Variants in RORA observed in about 807,000 individuals in gnomAD.
RORA encodes RAR related orphan receptor A, also known as nuclear receptor ROR-alpha.
In RORA, 7 loss-of-function variants were observed where a neutral mutation model predicts 69.5. The ratio of observed to expected loss-of-function variants is 0.10; its 90% CI spans 0.06 to 0.19. The LOEUF is 0.19. Among genes scored for constraint, RORA ranks in the 10% least tolerant of loss-of-function variants. The pLI is 1.00. For synonymous variants in RORA, 261 were observed against 240.8 expected (o/e 1.08, Z -0.78); for missense variants, 457 against 663.0 (o/e 0.69, Z 3.41).
At chr15:60,712,843 A>G (rs1357710777) in intron 1 of RORA, among the ~76,000 whole-genome samples, 1 of 152,208 alleles carries the variant, frequency 6.6e-6, no homozygotes, top group Non-Finnish European at 1.5e-5. Flanking sequence ...TGCTTGACTT[A>G]GAACAGATTT....
rs183312665 is a variant in RORA, at chr15:61,171,168, G to A, written c.166+57885C>T. On this transcript the variant is annotated intron_variant, in intron 1 of 10. Transcript: ENST00000335670. The stretch of plus-strand genomic sequence containing the variant: ...CAAAACTACACCAGACCTGCCCCAC[G>A]GGCAGCTGGCACACTTGGCTTTCAG... Among the ~76,000 whole-genome samples the A allele has an allele frequency of 6.4e-4, 98 of 152,248 alleles. 1 individual carries two copies. Among genetic ancestry groups the A allele is most frequent in the Admixed American group, 5.2e-3 (80 of 15,296 alleles).
intron 1 of RORA, among the ~76,000 whole-genome samples, chr15:60,932,125 T>G (rs1892392454): frequency 6.6e-6 from 1 of 152,176 alleles, no homozygotes; most frequent in Non-Finnish European, 1.5e-5. Flanking sequence ...GAATTCACCT[T>G]GAAAACCAAT....
At chr15:60,746,144 A>C (rs1028485488) in intron 1 of RORA, among the ~76,000 whole-genome samples, 10 of 152,172 alleles carry the variant, frequency 6.6e-5, no homozygotes, top group South Asian at 2.1e-4. Context: ...TGTGTCCAAC[A>C]CAGTCTCTGG....
At chr15:60,927,230 C>T (rs576771927) in intron 1 of RORA, among the ~76,000 whole-genome samples, 1 of 152,028 alleles carries the variant, frequency 6.6e-6, no homozygotes, top group Non-Finnish European at 1.5e-5. Flanking sequence ...GTAACCAATA[C>T]GTGAAGCAAA....
At chr15:61,189,882 A>AAAC (rs2079780836) in intron 1 of RORA, among the ~76,000 whole-genome samples, 3 of 149,532 alleles carry the variant, frequency 2.0e-5, no homozygotes, top group South Asian at 2.1e-4. Flanking sequence ...AAAAAAAAAA[A>AAAC]CCACAGATAT....
intron 1 of RORA, among the ~76,000 whole-genome samples, chr15:60,941,090 A>T (rs989090010): frequency 6.6e-6 from 1 of 152,240 alleles, no homozygotes; most frequent in African/African-American, 2.4e-5. Context: ...GACAAAATCA[A>T]ATGAGCCAAC....
chr15:60,503,861 G>A (rs1329299099), intron 6 of RORA, among the ~76,000 whole-genome samples, 194 bp from the exon 7 acceptor site: 2 of 152,170 alleles, frequency 1.3e-5, no homozygotes, highest in African/African-American at 4.8e-5. Context: ...GGAGTGCAGT[G>A]GAACAATCTC....
intron 2 of RORA, among the ~76,000 whole-genome samples, chr15:60,603,203 A>G (rs1042008661): frequency 1.3e-5 from 2 of 152,246 alleles, no homozygotes; most frequent in African/African-American, 4.8e-5. Flanking sequence ...ATGGCAATCA[A>G]AAATAAAGCT....
In RORA at chr15:60,979,268, C is replaced by CTTTTTTTT. The variant is rs767729204; in HGVS notation, c.166+249777_166+249784dup. 3.9e-4 allele frequency among the ~76,000 whole-genome samples: 25 copies of CTTTTTTTT among 64,216 alleles called. 1 individual carries two copies. Among genetic ancestry groups the CTTTTTTTT allele is most frequent in the Admixed American group, 7.5e-4 (4 of 5,348 alleles). The allele number at this position is 64,216 out of a possible 152,430, so 42.1% of individuals were successfully genotyped here. A position where few individuals can be genotyped will look rare whatever the true frequency, so the allele number is the denominator to read the frequency against. ...CGTGAGCCACCGCACCTAGCCCTTG[C>CTTTTTTTT]TTTTTTTTTTTTTTTTTTTTTTTCC... On this transcript the variant is annotated intron_variant, in intron 1 of 10. Transcript: ENST00000335670.
At chr15:60,567,247 C>A (rs2067739788) in intron 2 of RORA, among the ~76,000 whole-genome samples, 1 of 151,730 alleles carries the variant, frequency 6.6e-6, no homozygotes. Flanking sequence ...GGCGACAGAG[C>A]CAAGGGAGGT....
chr15:60,718,875 G>A (rs901081900), intron 1 of RORA, among the ~76,000 whole-genome samples: 2 of 152,202 alleles, frequency 1.3e-5, no homozygotes, highest in African/African-American at 4.8e-5. Context: ...AAAAGGTGAA[G>A]GATTTCCACA....
chr15:60,887,336 G>T (rs370219441), intron 1 of RORA, among the ~76,000 whole-genome samples: 38 of 152,288 alleles, frequency 2.5e-4, no homozygotes, highest in African/African-American at 8.9e-4. Context: ...GCACTGTCAT[G>T]CTGTCATGGG....
intron 1 of RORA, among the ~76,000 whole-genome samples, chr15:61,054,246 C>T (rs1033484396): frequency 4.0e-5 from 6 of 149,394 alleles, no homozygotes; most frequent in South Asian, 2.1e-4. Flanking sequence ...CAAGAGGAAA[C>T]GTATGGTAAT....
intron 1 of RORA, among the ~76,000 whole-genome samples, chr15:60,796,780 C>A (rs1346802173): frequency 6.6e-6 from 1 of 151,968 alleles, no homozygotes; most frequent in Non-Finnish European, 1.5e-5. Context: ...GTAGAAACAA[C>A]CTCAATTTCT....
chr15:61,017,218 T>G (rs1296018949), intron 1 of RORA, among the ~76,000 whole-genome samples: 1 of 152,188 alleles, frequency 6.6e-6, no homozygotes, highest in Non-Finnish European at 1.5e-5. Flanking sequence ...GTTCCAAATG[T>G]GAGAGATTCA....
intron 1 of RORA, among the ~76,000 whole-genome samples, chr15:61,094,124 C>T (rs1302884013): frequency 6.6e-6 from 1 of 152,168 alleles, no homozygotes; most frequent in Non-Finnish European, 1.5e-5. Context: ...AAAGACTTAG[C>T]CTTTTCTCCT....
intron 1 of RORA, among the ~76,000 whole-genome samples, chr15:60,778,300 A>ATT (rs35668786): frequency 0.23 from 34,150 of 148,734 alleles, 4,899 homozygotes; most frequent in African/African-American, 0.42. Context: ...GGTTATTGTG[A>ATT]TTTTTTTTTT....
At chr15:60,641,636 C>T (rs1362636668) in intron 2 of RORA, among the ~76,000 whole-genome samples, 2 of 152,070 alleles carry the variant, frequency 1.3e-5, no homozygotes, top group African/African-American at 2.4e-5. Flanking sequence ...GTCTCGAACT[C>T]CTGACCTCAG....
intron 1 of RORA, among the ~76,000 whole-genome samples, chr15:60,760,999 A>G (rs1487382038): frequency 6.6e-6 from 1 of 152,054 alleles, no homozygotes; most frequent in Non-Finnish European, 1.5e-5. Context: ...GTGCCACCCT[A>G]AGTTTCTGGC....
Sources: allele counts gnomAD v4.1 joint callset (sites outside exome capture counted in the v4.1 genomes callset), GRCh38; gene constraint gnomAD v4.1.1; transcripts MANE v1.5; gene names NCBI Gene and HGNC (gene_info 2026-07-23, HGNC 2026-07-21).